GPR89B: variants seen among roughly 807,000 people sequenced by gnomAD.
GPR89B encodes G protein-coupled receptor 89B.
Under a neutral mutation model 52.4 loss-of-function variants are expected in GPR89B, and 25 were observed. That is an observed-to-expected ratio of 0.48 (90% CI 0.35 to 0.67). The LOEUF is 0.67. Ranked by LOEUF, GPR89B falls within the 30% of genes least tolerant of loss-of-function variation. The probability of loss-of-function intolerance (pLI) is 0.01; values close to 1 mark genes in which losing one functional copy is unlikely to be tolerated. For synonymous variants in GPR89B, 52 were observed against 151.2 expected, an observed-to-expected ratio of 0.34 and a Z score of 4.81; for missense variants, 146 against 450.2, an observed-to-expected ratio of 0.32 and a Z score of 6.11.
At chr1:147,966,122 C>T (rs1657018575) in intron 7 of GPR89B, among the ~76,000 whole-genome samples, 1 of 151,982 alleles carries the variant, frequency 6.6e-6, no homozygotes, top group Admixed American at 6.6e-5. Context: ...GCTGGGATTA[C>T]AGGAGTGAGC....
chr1:147,996,156 T>G (rs1659314278), downstream of GPR89B, among the ~76,000 whole-genome samples: 1 of 152,154 alleles, frequency 6.6e-6, no homozygotes. Context: ...TCCCCCTTCT[T>G]CACTCCCAAC....
At chr1:148,019,728 C>T in the GPR89B span, among the ~76,000 whole-genome samples, 3,508 of 152,040 alleles carry the variant, frequency 0.023, 168 homozygotes, top group African/African-American at 0.072. Context: ...AGCAAAAGAA[C>T]GCTTTATGTT....
chr1:147,955,313 A>T (rs1314295425), intron 7 of GPR89B, among the ~76,000 whole-genome samples: 1 of 152,080 alleles, frequency 6.6e-6, no homozygotes, highest in Admixed American at 6.5e-5. Flanking sequence ...GTTGCTGCAC[A>T]TATAGATTGA....
intron 5 of GPR89B, among the ~76,000 whole-genome samples, chr1:147,949,929 C>T (rs1571252951): frequency 1.6e-5 from 2 of 125,714 alleles, no homozygotes; most frequent in African/African-American, 7.0e-5. Flanking sequence ...GGGGGGCTGA[C>T]CCCCCCACCT....
At chr1:147,936,307 T>C (rs1553247863) in intron 1 of GPR89B, among the ~76,000 whole-genome samples, 1 of 152,244 alleles carries the variant, frequency 6.6e-6, no homozygotes, top group Admixed American at 6.5e-5. Flanking sequence ...GCACCGTGCC[T>C]GGCCACTGAC....
the GPR89B span, among the ~76,000 whole-genome samples, chr1:148,002,038 C>CTTT: frequency 2.8e-4 from 36 of 129,992 alleles, no homozygotes; most frequent in African/African-American, 7.8e-4. Context: ...CCAGATGCTG[C>CTTT]TTTTTTTTTT....
chr1:148,016,672 G>A, the GPR89B span, among the ~76,000 whole-genome samples: 3 of 151,930 alleles, frequency 2.0e-5, no homozygotes, highest in Non-Finnish European at 4.4e-5. Flanking sequence ...AGGAGGTGTT[G>A]AGTGAGGCCG....
chr1:147,988,559 ATTTG>A (rs1658831218), intron 12 of GPR89B, 38 bp downstream of exon 12: 1 of 1,008,422 alleles, frequency 9.9e-7, no homozygotes, highest in Non-Finnish European at 1.5e-6. Flanking sequence ...ACTGCTTATC[ATTTG>A]TTTAATTAAA....
At chr1:147,972,010 C>T (rs1449228669) in intron 10 of GPR89B, among the ~76,000 whole-genome samples, 1 of 151,876 alleles carries the variant, frequency 6.6e-6, no homozygotes, top group Non-Finnish European at 1.5e-5. Flanking sequence ...GACTGCCAGT[C>T]TGCTTTCTCT....
chr1:147,959,674 A>G (rs1409038594), intron 7 of GPR89B, among the ~76,000 whole-genome samples: 1 of 152,134 alleles, frequency 6.6e-6, no homozygotes, highest in African/African-American at 2.4e-5. Flanking sequence ...AAATCTCAGT[A>G]TAAACCCTTC....
intron 12 of GPR89B, among the ~76,000 whole-genome samples, chr1:147,991,997 A>G (rs1267772118): frequency 1.3e-5 from 2 of 152,130 alleles, no homozygotes; most frequent in African/African-American, 4.8e-5. Flanking sequence ...GCCTGAATTC[A>G]ACTATTTTCT....
Position 147,931,788 on chromosome 1 carries a change from G to A in GPR89B, c.42+3210G>A, listed in dbSNP as rs587611556. 1.3e-4 allele frequency among the ~76,000 whole-genome samples: 19 copies of A among 148,336 alleles called. No individual in the cohort carries two copies. The South Asian group carries it at 3.6e-3, about 28-fold the overall frequency. On this transcript the variant is annotated intron_variant, in intron 1 of 13. Coordinates refer to ENST00000314163, the MANE Select transcript of GPR89B (RefSeq NM_016334.5). ...TTTCTGTTTTTGCCATCTTTATGTT[G>A]GTGAGTACCCAATATTTAGCTCCCA...
intron 7 of GPR89B, among the ~76,000 whole-genome samples, chr1:147,961,922 C>T (rs1221599235): frequency 5.3e-5 from 8 of 151,516 alleles, no homozygotes; most frequent in African/African-American, 1.9e-4. Flanking sequence ...TTTCAAAATC[C>T]CAGCAAGATT....
chr1:148,007,077 CTTT>C, the GPR89B span, among the ~76,000 whole-genome samples: 3 of 136,550 alleles, frequency 2.2e-5, no homozygotes, highest in African/African-American at 2.8e-5. Context: ...GCATTTTTGG[CTTT>C]TTTTTTTTTT....
At chr1:148,004,510 T>TA in the GPR89B span, among the ~76,000 whole-genome samples, 1 of 126,932 alleles carries the variant, frequency 7.9e-6, no homozygotes, top group Non-Finnish European at 1.7e-5. Flanking sequence ...AAGTATGACC[T>TA]ACCCACATAG....
chr1:148,009,588 A>G, the GPR89B span: 1 of 1,476,714 alleles, frequency 6.8e-7, no homozygotes, highest in Non-Finnish European at 9.4e-7. Flanking sequence ...GACCAGATCC[A>G]CAACCTAGGA....
chr1:147,976,922 T>G (rs1225757463), intron 10 of GPR89B, among the ~76,000 whole-genome samples: 12,578 of 150,908 alleles, frequency 0.083, 1,142 homozygotes, highest in African/African-American at 0.21. Context: ...AGGAAATTCT[T>G]GGTTGGAAAT....
At chr1:147,980,734 G>A (rs1412982914) in intron 10 of GPR89B, among the ~76,000 whole-genome samples, 6 of 147,392 alleles carry the variant, frequency 4.1e-5, no homozygotes, top group Non-Finnish European at 7.5e-5. Context: ...CAGGAGAATG[G>A]CGTGAACCCG....
rs587763697 is a variant in GPR89B at position 147,948,859 on chromosome 1, A to T, written c.416-4486A>T. On this transcript the variant is annotated intron_variant, in intron 5 of 13. Coordinates refer to ENST00000314163, the MANE Select transcript of GPR89B (RefSeq NM_016334.5). ...AATAGTGGAGGGAGGGTCAGCAGAT[A>T]AACAAGTGAACAAAGGTCTCTGGTT... Among the ~76,000 whole-genome samples the T allele has an allele frequency of 1.3e-5, 2 of 151,642 alleles. 1 individual carries two copies. Among genetic ancestry groups the T allele is most frequent in the South Asian group, 4.2e-4 (2 of 4,780 alleles).
Sources: allele counts gnomAD v4.1 joint callset (sites outside exome capture counted in the v4.1 genomes callset), GRCh38; gene constraint gnomAD v4.1.1; transcripts MANE v1.5; gene names NCBI Gene and HGNC (gene_info 2026-07-23, HGNC 2026-07-21).